The following ATP10A variants were observed in gnomAD, a reference collection of about 807,000 sequenced individuals.
ATP10A encodes the protein phospholipid-transporting ATPase VA.
A neutral mutation model predicts 147.8 loss-of-function variants in ATP10A; 111 were observed. That is an observed-to-expected ratio of 0.75 (90% CI 0.64 to 0.88). The LOEUF is 0.88. ATP10A is among the 40% of genes least tolerant of loss of function. The pLI is 0.00. For missense variants in ATP10A, 1,927 were observed against 1,959.0 expected, an observed-to-expected ratio of 0.98 and a Z score of 0.31; for synonymous variants, 875 against 841.6, an observed-to-expected ratio of 1.04 and a Z score of -0.69.
At chr15:25,817,696 A>G (rs924474084) in intron 1 of ATP10A, among the ~76,000 whole-genome samples, 2 of 152,206 alleles carry the variant, frequency 1.3e-5, no homozygotes, top group African/African-American at 4.8e-5. Context: ...CATGGTTCAA[A>G]AGAAATAACA....
chr15:25,821,106 A>G (rs1891858381), intron 1 of ATP10A, among the ~76,000 whole-genome samples: 1 of 152,250 alleles, frequency 6.6e-6, no homozygotes. Context: ...AGGCAATTTA[A>G]AGAAGCAGCA....
intron 2 of ATP10A, among the ~76,000 whole-genome samples, chr15:25,780,144 C>G (rs1389001134): frequency 6.6e-6 from 1 of 152,276 alleles, no homozygotes; most frequent in Non-Finnish European, 1.5e-5. Flanking sequence ...GCAGAGCCCA[C>G]TGCCCCAGGG....
intron 1 of ATP10A, among the ~76,000 whole-genome samples, chr15:25,845,605 C>T (rs1276159787): frequency 6.6e-6 from 1 of 152,152 alleles, no homozygotes; most frequent in Non-Finnish European, 1.5e-5. Context: ...CTCCTGGGCT[C>T]CCTGGCCAAA....
chr15:25,683,156 G>A, intron 17 of ATP10A, 130 bp downstream of exon 17: 1 of 849,742 alleles, frequency 1.2e-6, no homozygotes, highest in Non-Finnish European at 1.8e-6. Context: ...CCTCTAGAAT[G>A]GTGAATTCTA....
At chr15:25,843,537 T>C (rs1892900261) in intron 1 of ATP10A, among the ~76,000 whole-genome samples, 1 of 152,060 alleles carries the variant, frequency 6.6e-6, no homozygotes, top group African/African-American at 2.4e-5. Context: ...AATTCATCAT[T>C]TGCATCCCGC....
At chr15:25,837,537 C>A (rs1031154784) in intron 1 of ATP10A, among the ~76,000 whole-genome samples, 1 of 152,148 alleles carries the variant, frequency 6.6e-6, no homozygotes, top group African/African-American at 2.4e-5. Flanking sequence ...CAGGAAGTTT[C>A]AAGGCTGCAG....
intron 1 of ATP10A, among the ~76,000 whole-genome samples, chr15:25,812,721 G>A (rs1299716911): frequency 6.6e-6 from 1 of 152,184 alleles, no homozygotes; most frequent in African/African-American, 2.4e-5. Flanking sequence ...AGCACTGCAT[G>A]ATTATTCTCT....
At chr15:25,705,687 C>T (rs898495486) in intron 12 of ATP10A, among the ~76,000 whole-genome samples, 5 of 152,150 alleles carry the variant, frequency 3.3e-5, no homozygotes, top group Admixed American at 3.3e-4. Context: ...TGGTTAACAA[C>T]CGGTCTGTGG....
intron 1 of ATP10A, among the ~76,000 whole-genome samples, chr15:25,787,892 C>A (rs1392584222): frequency 1.3e-5 from 2 of 152,152 alleles, no homozygotes; most frequent in East Asian, 3.9e-4. Context: ...GTACCACCTG[C>A]AGTTGGGACC....
downstream of ATP10A, among the ~76,000 whole-genome samples, chr15:25,673,587 T>A (rs964399446): frequency 2.6e-5 from 4 of 152,202 alleles, no homozygotes; most frequent in Admixed American, 6.5e-5. Flanking sequence ...GACGGAGATG[T>A]CACTCTGCAG....
At chr15:25,709,436 A>C (rs190965591) in intron 10 of ATP10A, 1 of 152,216 alleles carries the variant, frequency 6.6e-6, no homozygotes, top group East Asian at 1.9e-4. Flanking sequence ...TTGGAATTGA[A>C]ATACTCTTGA....
At position 25,708,091 on chromosome 15, in the gene ATP10A, T is replaced by G. The variant is rs1319554986; in HGVS notation, c.2460A>C (p.Lys820Asn). 1 of 1,613,998 alleles carries G rather than the reference T, an allele frequency of 6.2e-7. No individual in the cohort carries two copies. Among genetic ancestry groups the G allele is most frequent in the Non-Finnish European group, 8.5e-7 (1 of 1,180,018 alleles). The change falls in exon 12 of 21, where the codon AAA (lysine) becomes AAC (asparagine). Residue 820 changes from lysine (K) to asparagine (N), a missense_variant. Lys to Asn is a moderately conservative substitution (Grantham distance 94). Transcript: ENST00000555815. ...TLCIAKRVLS[K>N]EEYACWLQSH... ...TTTGCAACCAGCAGGCATACTCTTC[T>G]TTACTCAGAACCTATGGGAGATACA... is the stretch of plus-strand genomic sequence containing the variant.
chr15:25,739,012 G>T (rs771088870), intron 2 of ATP10A, among the ~76,000 whole-genome samples: 1 of 152,188 alleles, frequency 6.6e-6, no homozygotes, highest in Non-Finnish European at 1.5e-5. Context: ...GATTGTACAA[G>T]TAAGCCAGAA....
chr15:25,728,100 G>T (rs1452065906), intron 3 of ATP10A, among the ~76,000 whole-genome samples: 1 of 152,276 alleles, frequency 6.6e-6, no homozygotes, highest in South Asian at 2.1e-4. Flanking sequence ...CTTCCGAGAG[G>T]CTACCTTTTC....
At position 25,691,998 on chromosome 15, in the gene ATP10A, G is replaced by A. The variant is rs555481143; in HGVS notation, c.3089-207C>T. Reference sequence around the variant, plus strand: ...AGCTAGCGACACCAGGAGATGTTTCGGAAAGCGGGCTGGAGCTGAGCCACC... The same window carrying A: ...AGCTAGCGACACCAGGAGATGTTTCAGAAAGCGGGCTGGAGCTGAGCCACC... On this transcript the variant is annotated intron_variant, in intron 14 of 20. Coordinates refer to ENST00000555815, the MANE Select transcript of ATP10A (RefSeq NM_024490.4). Among the ~76,000 whole-genome samples the A allele has an allele frequency of 5.0e-4, 76 of 152,092 alleles. 1 individual carries two copies. The highest frequency in any genetic ancestry group is 7.2e-4 in the Non-Finnish European group (49 of 68,022).
rs562395936 is a variant in ATP10A, at chr15:25,682,759, T to C, written c.3492+527A>G. On this transcript the variant is annotated intron_variant, in intron 17 of 20. Coordinates refer to ENST00000555815, the MANE Select transcript of ATP10A (RefSeq NM_024490.4). ...GAATTAGGGATTATTGCAGGAGAAA[T>C]GAGACTCCATGTTCTTTTTGCCCAC... 3.3e-5 allele frequency among the ~76,000 whole-genome samples: 5 copies of C among 152,294 alleles called. 1 individual carries two copies. Among genetic ancestry groups the C allele is most frequent in the African/African-American group, 1.2e-4 (5 of 41,554 alleles).
At chr15:25,675,174 G>T (rs1437662732), downstream of ATP10A, among the ~76,000 whole-genome samples, 1 of 152,176 alleles carries the variant, frequency 6.6e-6, no homozygotes, top group East Asian at 1.9e-4. Flanking sequence ...TGGCTCAGAA[G>T]GTGTTGGTTT....
At chr15:25,757,631 T>G (rs565626133) in intron 2 of ATP10A, among the ~76,000 whole-genome samples, 1 of 152,206 alleles carries the variant, frequency 6.6e-6, no homozygotes, top group Non-Finnish European at 1.5e-5. Flanking sequence ...TGAGGATTTG[T>G]TTTTGGTAAA....
chr15:25,806,447 G>C (rs561409251), intron 1 of ATP10A, among the ~76,000 whole-genome samples: 59 of 151,968 alleles, frequency 3.9e-4, no homozygotes, highest in Non-Finnish European at 7.1e-4. Flanking sequence ...CGAATACCTG[G>C]GACTATAGGC....
Sources: allele counts gnomAD v4.1 joint callset (sites outside exome capture counted in the v4.1 genomes callset), GRCh38; gene constraint gnomAD v4.1.1; transcripts MANE v1.5; gene names NCBI Gene and HGNC (gene_info 2026-07-23, HGNC 2026-07-21).